PTPRD: variants seen among roughly 807,000 people sequenced by gnomAD.
The protein encoded by PTPRD is protein tyrosine phosphatase receptor type D.
PTPRD carries 34 observed loss-of-function variants against 214.5 expected under a neutral mutation model. The ratio of observed to expected loss-of-function variants is 0.16; its 90% confidence interval spans 0.12 to 0.21. PTPRD has a LOEUF of 0.21. PTPRD is among the 10% of genes least tolerant of loss of function. The pLI is 1.00. For synonymous variants in PTPRD, 1,128 were observed against 845.7 expected (o/e 1.33, Z -5.79); for missense variants, 2,545 against 2,398.7 (o/e 1.06, Z -1.27).
intron 14 of PTPRD, among the ~76,000 whole-genome samples, chr9:8,628,446 CTG>C (rs1488283212): frequency 4.6e-5 from 7 of 151,774 alleles, no homozygotes; most frequent in Non-Finnish European, 1.0e-4. Flanking sequence ...CAACTGCTCA[CTG>C]TGTGTTTTAC....
intron 3 of PTPRD, among the ~76,000 whole-genome samples, chr9:10,216,111 T>A (rs2099539912): frequency 6.6e-6 from 1 of 152,008 alleles, no homozygotes; most frequent in African/African-American, 2.4e-5. Flanking sequence ...AACACTGTCT[T>A]TATTTAAAAT....
At chr9:8,828,413 G>A (rs2097216230) in intron 11 of PTPRD, among the ~76,000 whole-genome samples, 1 of 152,148 alleles carries the variant, frequency 6.6e-6, no homozygotes, top group Non-Finnish European at 1.5e-5. Flanking sequence ...AAAGCAAGAA[G>A]GCACCTGTCT....
chr9:9,457,887 T>G (rs1229486191), intron 8 of PTPRD, among the ~76,000 whole-genome samples: 2 of 152,086 alleles, frequency 1.3e-5, no homozygotes, highest in African/African-American at 2.4e-5. Flanking sequence ...CTATAAATTA[T>G]ATCCCTACTA....
intron 11 of PTPRD, among the ~76,000 whole-genome samples, chr9:8,934,670 T>C (rs1354658127): frequency 1.3e-5 from 2 of 149,246 alleles, no homozygotes; most frequent in African/African-American, 4.9e-5. Context: ...TACCCTAGAG[T>C]ATTATTAACT....
chr9:10,136,663 C>T lies in PTPRD; in HGVS notation c.-544-102873G>A, dbSNP rs548668314. On this transcript the variant is annotated intron_variant, in intron 3 of 45. Transcript: ENST00000381196. ...GGGCAAGGACTTCATGTCCAAAACA[C>T]CAAAAGCAATGGCAACAAAAGACAA... 1.1e-4 allele frequency among the ~76,000 whole-genome samples: 10 copies of T among 87,112 alleles called. 1 individual carries two copies. In the South Asian group the frequency reaches 5.0e-3, roughly 44 times the overall value. 57.1% of individuals were successfully genotyped at this position (87,112 alleles called of 152,430 possible). A position where few individuals can be genotyped will look rare whatever the true frequency, so the allele number is the denominator to read the frequency against.
chr9:9,472,134 G>A (rs898601501), intron 8 of PTPRD, among the ~76,000 whole-genome samples: 2 of 147,858 alleles, frequency 1.4e-5, no homozygotes, highest in Non-Finnish European at 3.0e-5. Context: ...AAAAGGACGT[G>A]TCTCATTTAC....
At chr9:9,723,474 T>C (rs1258665630) in intron 7 of PTPRD, among the ~76,000 whole-genome samples, 1 of 152,042 alleles carries the variant, frequency 6.6e-6, no homozygotes, top group African/African-American at 2.4e-5. Flanking sequence ...TGAGTCCTCC[T>C]ACTTTGTTCT....
intron 3 of PTPRD, among the ~76,000 whole-genome samples, chr9:10,211,129 A>G (rs2099515205): frequency 6.6e-6 from 1 of 151,898 alleles, no homozygotes; most frequent in African/African-American, 2.4e-5. Context: ...AAAAATGAAA[A>G]CAGCTGATGC....
chr9:8,554,830 T>C (rs2140963645), intron 14 of PTPRD, among the ~76,000 whole-genome samples: 1 of 152,170 alleles, frequency 6.6e-6, no homozygotes, highest in South Asian at 2.1e-4. Flanking sequence ...AACACTAACA[T>C]ATTTGTGTTT....
intron 8 of PTPRD, among the ~76,000 whole-genome samples, chr9:9,425,606 G>T (rs62532950): frequency 0.32 from 47,604 of 151,084 alleles, 8,032 homozygotes; most frequent in Middle Eastern, 0.42. Flanking sequence ...GGAAAGCAGC[G>T]TAAGATCACA....
chr9:9,356,551 A>G (rs1596309319), intron 9 of PTPRD, among the ~76,000 whole-genome samples: 1 of 151,416 alleles, frequency 6.6e-6, no homozygotes, highest in East Asian at 1.9e-4. Context: ...CCAGCTTTTA[A>G]GATGTCATTT....
At chr9:10,344,588 G>A (rs1244528384) in intron 2 of PTPRD, among the ~76,000 whole-genome samples, 2 of 152,146 alleles carry the variant, frequency 1.3e-5, no homozygotes, top group Admixed American at 6.5e-5. Context: ...GTAGCTTGAT[G>A]AGGATGGCAT....
intron 8 of PTPRD, among the ~76,000 whole-genome samples, chr9:9,549,015 T>C (rs1297205202): frequency 1.3e-5 from 2 of 152,142 alleles, no homozygotes; most frequent in Non-Finnish European, 2.9e-5. Context: ...CTGATACTTT[T>C]AGGACACTAT....
chr9:9,002,678 C>T (rs912045912), intron 11 of PTPRD, among the ~76,000 whole-genome samples: 3 of 151,844 alleles, frequency 2.0e-5, no homozygotes, highest in African/African-American at 7.3e-5. Flanking sequence ...ACTTTTTGGC[C>T]TCAATCTGGT....
rs551410871 is a variant in PTPRD at position 9,507,450 on chromosome 9, G to C, written c.-237+67282C>G. Among the ~76,000 whole-genome samples the C allele has an allele frequency of 2.1e-4, 31 of 150,886 alleles. No individual in the cohort carries two copies. In the East Asian group the frequency reaches 5.9e-3, roughly 28 times the overall value. ...AACAAAATATAATGGTTTTCTTAGA[G>C]AAAAATAAAAATACTCAGCTGAAAA... On this transcript the variant is annotated intron_variant, in intron 8 of 45. Coordinates refer to ENST00000381196, the MANE Select transcript of PTPRD (RefSeq NM_002839.4).
At chr9:10,119,656 C>T (rs1030001386) in intron 3 of PTPRD, among the ~76,000 whole-genome samples, 2 of 151,806 alleles carry the variant, frequency 1.3e-5, no homozygotes, top group Non-Finnish European at 1.5e-5. Flanking sequence ...TAATTCAAGA[C>T]CCCCCGCATG....
At chr9:10,051,416 C>G (rs1430924843) in intron 3 of PTPRD, among the ~76,000 whole-genome samples, 12 of 151,934 alleles carry the variant, frequency 7.9e-5, no homozygotes, top group Non-Finnish European at 1.5e-4. Flanking sequence ...TCCATGATAT[C>G]TGTGATATTA....
At chr9:9,743,665 A>G (rs945081736) in intron 6 of PTPRD, among the ~76,000 whole-genome samples, 2 of 151,140 alleles carry the variant, frequency 1.3e-5, no homozygotes, top group African/African-American at 4.9e-5. Flanking sequence ...CAGAAGAAGA[A>G]ATGAAAACAC....
At chr9:8,333,794 AG>A (rs1167132225) in intron 43 of PTPRD, among the ~76,000 whole-genome samples, 1 of 151,646 alleles carries the variant, frequency 6.6e-6, no homozygotes, top group Non-Finnish European at 1.5e-5. Context: ...TCTCACACGC[AG>A]AGATACACAT....
Sources: gnomAD v4.1 joint callset for allele counts (sites outside exome capture counted in the v4.1 genomes callset) on GRCh38, gnomAD v4.1.1 for gene constraint, MANE v1.5 for transcripts, NCBI Gene and HGNC (gene_info 2026-07-23, HGNC 2026-07-21) for gene names.